MRC1: variants seen among roughly 807,000 people sequenced by gnomAD.
MRC1 encodes the protein macrophage mannose receptor 1.
In MRC1, 62 loss-of-function variants were observed where a neutral mutation model predicts 102.9. The observed-to-expected ratio is 0.60, with a 90% CI of 0.49 to 0.74. MRC1 has a LOEUF of 0.74. Among genes scored for constraint, MRC1 ranks in the 30% least tolerant of loss-of-function variants. The pLI is 0.00. For synonymous variants in MRC1, 457 were observed against 298.4 expected, an observed-to-expected ratio of 1.53 and a Z score of -5.48; for missense variants, 1,237 against 862.8, an observed-to-expected ratio of 1.43 and a Z score of -5.43.
At chr10:17,844,533 G>T (rs691572) in intron 5 of MRC1, among the ~76,000 whole-genome samples, 2,025 of 152,228 alleles carry the variant, frequency 0.013, 47 homozygotes, top group South Asian at 0.061. Context: ...ATAATGTTTA[G>T]TGTGGCAGGT....
chr10:17,899,758 A>T (rs984517593), intron 24 of MRC1, among the ~76,000 whole-genome samples: 9 of 152,166 alleles, frequency 5.9e-5, no homozygotes, highest in Non-Finnish European at 1.3e-4. Flanking sequence ...ATGTTTATCA[A>T]TATTTTGTAT....
At chr10:17,852,853 A>G in intron 7 of MRC1, 114 bp from the exon 8 acceptor site, 1 of 770,024 alleles carries the variant, frequency 1.3e-6, no homozygotes, top group African/African-American at 1.7e-5. Flanking sequence ...GATGGTGATC[A>G]TATCAAGGGA....
At chr10:17,909,917 G>A (rs1833946490) in intron 29 of MRC1, among the ~76,000 whole-genome samples, 2 of 151,212 alleles carry the variant, frequency 1.3e-5, no homozygotes, top group African/African-American at 4.9e-5. Context: ...TTCTTATACT[G>A]TATTTTTAAC....
At chr10:17,828,486 T>C (rs1838518818) in intron 3 of MRC1, among the ~76,000 whole-genome samples, 1 of 151,404 alleles carries the variant, frequency 6.6e-6, no homozygotes, top group Non-Finnish European at 1.5e-5. Flanking sequence ...TTCCCTCATC[T>C]CTGAAATGCC....
At chr10:17,868,345 C>T (rs1011742160) in intron 12 of MRC1, among the ~76,000 whole-genome samples, 17 of 152,160 alleles carry the variant, frequency 1.1e-4, no homozygotes, top group African/African-American at 3.9e-4. Context: ...GCACCTTGTT[C>T]ACAAGGTGGC....
At chr10:17,855,917 C>G (rs1379386833) in intron 8 of MRC1, among the ~76,000 whole-genome samples, 2 of 152,010 alleles carry the variant, frequency 1.3e-5, no homozygotes. Context: ...GCCTGTAATC[C>G]CAGCACTTTG....
At chr10:17,861,150 A>G (rs917837046) in intron 9 of MRC1, among the ~76,000 whole-genome samples, 1 of 152,154 alleles carries the variant, frequency 6.6e-6, no homozygotes, top group African/African-American at 2.4e-5. Context: ...TCTCTACTAA[A>G]AAGACAGAAA....
intron 9 of MRC1, among the ~76,000 whole-genome samples, chr10:17,859,575 TC>T (rs1833147907): frequency 6.6e-6 from 1 of 152,134 alleles, no homozygotes; most frequent in Non-Finnish European, 1.5e-5. Context: ...GCTTCGTCCT[TC>T]CAAAGTGTTG....
At chr10:17,887,743 A>G (rs1040940774) in intron 22 of MRC1, among the ~76,000 whole-genome samples, 2 of 152,248 alleles carry the variant, frequency 1.3e-5, no homozygotes, top group African/African-American at 4.8e-5. Context: ...TTCATAGTGC[A>G]TATAAACAGA....
chr10:17,861,703 T>C (rs1833186888), intron 10 of MRC1, among the ~76,000 whole-genome samples: 1 of 152,222 alleles, frequency 6.6e-6, no homozygotes, highest in Admixed American at 6.5e-5. Context: ...AATTTAGTAG[T>C]ATAAAGCAAC....
At chr10:17,839,303 A>T (rs2477656) in intron 4 of MRC1, among the ~76,000 whole-genome samples, 1 of 151,916 alleles carries the variant, frequency 6.6e-6, no homozygotes, top group African/African-American at 2.4e-5. Context: ...TTCTTTAATC[A>T]GCGAATTATT....
chr10:17,854,858 T>G (rs1466972901), intron 8 of MRC1: 2 of 157,022 alleles, frequency 1.3e-5, no homozygotes, highest in East Asian at 3.9e-4. Context: ...CCAGCTAACT[T>G]TTTTGTATTA....
intron 9 of MRC1, among the ~76,000 whole-genome samples, chr10:17,859,236 TG>T: frequency 6.6e-6 from 1 of 152,260 alleles, no homozygotes; most frequent in South Asian, 2.1e-4. Context: ...TCAAACATGC[TG>T]TTTTTTTAAT....
intron 18 of MRC1, among the ~76,000 whole-genome samples, chr10:17,879,000 A>G (rs1180845723): frequency 6.6e-6 from 1 of 152,182 alleles, no homozygotes; most frequent in Admixed American, 6.5e-5. Context: ...GCCCACCTAC[A>G]TTACAAGAAA....
chr10:17,886,884 T>C (rs1240676313), intron 22 of MRC1, among the ~76,000 whole-genome samples: 2 of 151,878 alleles, frequency 1.3e-5, no homozygotes, highest in Admixed American at 1.3e-4. Context: ...GAAGTAGGAG[T>C]AAGCTTCAAA....
chr10:17,829,433 A>T (rs920844319), intron 3 of MRC1, among the ~76,000 whole-genome samples: 5,910 of 151,392 alleles, frequency 0.039, 179 homozygotes, highest in Non-Finnish European at 0.048. Flanking sequence ...CCGAATGAAT[A>T]CTCACAAAAG....
In MRC1 at chr10:17,890,343, G is replaced by GATCTGTGA. The variant is rs1409210851; in HGVS notation, c.3148-3866_3148-3859dup. Among the ~76,000 whole-genome samples the GATCTGTGA allele has an allele frequency of 6.7e-3, 1,026 of 152,160 alleles. 6 individuals carry two copies. Among genetic ancestry groups the GATCTGTGA allele is most frequent in the Non-Finnish European group, 0.012 (798 of 68,006 alleles). On this transcript the variant is annotated intron_variant, in intron 22 of 29. Coordinates refer to ENST00000569591, the MANE Select transcript of MRC1 (RefSeq NM_002438.4). The stretch of plus-strand genomic sequence containing the variant: ...TGTCTGATGTTCTCTGAGCTTCCTG[G>GATCTGTGA]ATCTGTGATTTGCTGTCAGTCGTTA...
At position 17,856,297 on chromosome 10, in the gene MRC1, T is replaced by A. The variant is rs534140617; in HGVS notation, c.1463T>A (p.Met488Lys). ...TGGCCTCTTGGCTACATCTGCAAGA[T>A]GAAATCACGAAGCCAAGGTCCAGAA... ...CEWPLGYICKMKSRSQGPEIV... is the reference protein window; with the variant it reads ...CEWPLGYICKKKSRSQGPEIV... Residue 488 changes from methionine (M) to lysine (K), a missense_variant, in exon 9 of 30, where the codon ATG becomes AAG. By Grantham distance (95) the Met-to-Lys change is moderately conservative (BLOSUM62 -1). Coordinates refer to ENST00000569591, the MANE Select transcript of MRC1 (RefSeq NM_002438.4). 5.8e-6 allele frequency: 5 copies of A among 865,882 alleles called. No homozygotes were observed. Among genetic ancestry groups the A allele is most frequent in the South Asian group, 1.3e-5 (1 of 74,756 alleles). 53.6% of individuals were successfully genotyped at this position (865,882 alleles called of 1,614,324 possible).
rs1838940665 is a variant in MRC1 at position 17,853,079 on chromosome 10, C to G, written c.1362C>G (p.Ser454Arg). Reference protein sequence around the residue: ...TFTKWLRGEPSHENNRQEDCV... With the variant: ...TFTKWLRGEPRHENNRQEDCV... ...CCAAATGGCTTCGTGGAGAACCAAG[C>G]CATGAAAACAACAGACAGGAGGATT... Residue 454 changes from serine to arginine, a missense_variant, in exon 8 of 30, where the codon AGC becomes AGG. By Grantham distance (110) the Ser-to-Arg change is moderately radical. Coordinates refer to ENST00000569591, the MANE Select transcript of MRC1 (RefSeq NM_002438.4). 2.6e-6 allele frequency: 2 copies of G among 780,544 alleles called. No individual in the cohort carries two copies. Among genetic ancestry groups the G allele is most frequent in the South Asian group, 1.3e-5 (1 of 74,612 alleles). 48.4% of individuals were successfully genotyped at this position (780,544 alleles called of 1,614,324 possible).
Sources: allele counts gnomAD v4.1 joint callset (sites outside exome capture counted in the v4.1 genomes callset), GRCh38; gene constraint gnomAD v4.1.1; transcripts MANE v1.5; gene names NCBI Gene and HGNC (gene_info 2026-07-23, HGNC 2026-07-21).